Variants in TNRC6A observed in about 807,000 individuals in gnomAD.
TNRC6A encodes the protein trinucleotide repeat containing adaptor 6A.
A neutral mutation model predicts 221.2 loss-of-function variants in TNRC6A; 44 were observed. The ratio of observed to expected loss-of-function variants is 0.20; its 90% CI spans 0.16 to 0.26. The LOEUF (loss-of-function observed/expected upper bound fraction) is 0.26, where lower values mean the gene tolerates loss of function less well. TNRC6A is among the 10% of genes least tolerant of loss of function. The probability of loss-of-function intolerance (pLI) is 1.00; values close to 1 mark genes in which losing one functional copy is unlikely to be tolerated. For synonymous variants in TNRC6A, 847 were observed against 838.5 expected, an observed-to-expected ratio of 1.01 and a Z score of -0.18; for missense variants, 2,199 against 2,404.4, an observed-to-expected ratio of 0.91 and a Z score of 1.79.
intron 1 of TNRC6A, among the ~76,000 whole-genome samples, chr16:24,623,901 CAAAAAAAAAA>C (rs67546745): frequency 1.1e-4 from 6 of 55,188 alleles, no homozygotes; most frequent in African/African-American, 1.5e-4. Context: ...GACCCTGTCT[CAAAAAAAAAA>C]AAAAAAAAAA....
intron 17 of TNRC6A, among the ~76,000 whole-genome samples, chr16:24,808,618 A>G (rs1362887427): frequency 2.0e-5 from 3 of 152,248 alleles, no homozygotes; most frequent in Non-Finnish European, 4.4e-5. Context: ...TACGCATGGT[A>G]TTAGAGAATT....
At chr16:24,642,527 A>G (rs187117058) in intron 2 of TNRC6A, among the ~76,000 whole-genome samples, 45 of 152,264 alleles carry the variant, frequency 3.0e-4, no homozygotes, top group African/African-American at 9.6e-4. Context: ...TAGCTTAAGA[A>G]CAGAATCAGG....
chr16:24,706,103 TACA>T (rs1453050755), intron 2 of TNRC6A, among the ~76,000 whole-genome samples: 2 of 152,080 alleles, frequency 1.3e-5, no homozygotes, highest in South Asian at 2.1e-4. Flanking sequence ...CGCTCACACT[TACA>T]ACATCAGCAA....
intron 1 of TNRC6A, among the ~76,000 whole-genome samples, chr16:24,635,812 A>G (rs1420885667): frequency 6.6e-6 from 1 of 152,160 alleles, no homozygotes; most frequent in African/African-American, 2.4e-5. Flanking sequence ...TTTGGTCTCC[A>G]TGGTTTTTTG....
chr16:24,636,103 G>C (rs892375077), intron 1 of TNRC6A, among the ~76,000 whole-genome samples: 1 of 152,214 alleles, frequency 6.6e-6, no homozygotes. Flanking sequence ...GTGGTTTGCA[G>C]GGAGGCATGT....
intron 1 of TNRC6A, among the ~76,000 whole-genome samples, chr16:24,627,697 CTTTTTTT>C (rs57520356): frequency 9.8e-6 from 1 of 101,784 alleles, no homozygotes; most frequent in Non-Finnish European, 1.9e-5. Flanking sequence ...TCTTTTCTTG[CTTTTTTT>C]TTTTTTTTTT....
chr16:24,801,471 T>C (rs1191883438), intron 11 of TNRC6A, among the ~76,000 whole-genome samples: 2 of 152,070 alleles, frequency 1.3e-5, no homozygotes, highest in East Asian at 3.9e-4. Context: ...TTTGAGTTTC[T>C]TTTTAAAGGG....
At chr16:24,806,838 G>T (rs983361011) in intron 17 of TNRC6A, 54 bp downstream of exon 17, 1 of 1,542,012 alleles carries the variant, frequency 6.5e-7, no homozygotes, top group Non-Finnish European at 8.9e-7. Flanking sequence ...TCACAGGCGT[G>T]CCTCCTTCAC....
intron 2 of TNRC6A, among the ~76,000 whole-genome samples, chr16:24,678,575 C>T (rs1381502529): frequency 1.3e-5 from 2 of 152,164 alleles, no homozygotes; most frequent in Non-Finnish European, 2.9e-5. Context: ...CATGGTGGCG[C>T]ATGCCTGTAG....
intron 4 of TNRC6A, among the ~76,000 whole-genome samples, chr16:24,771,582 T>TTTTATGTTATGTTATGTTGTTA: frequency 1.2e-4 from 11 of 95,540 alleles, no homozygotes; most frequent in African/African-American, 2.2e-4. Context: ...TTATGTTATG[T>TTTTATGTTATGTTATGTTGTTA]TGTTATGTTA....
intron 22 of TNRC6A, 65 bp downstream of exon 22, chr16:24,820,425 T>G: frequency 1.4e-6 from 2 of 1,464,972 alleles, no homozygotes; most frequent in South Asian, 2.3e-5. Context: ...GTACTAACAG[T>G]CGAGTTTAAC....
At chr16:24,733,257 T>C (rs1055855023) in intron 2 of TNRC6A, among the ~76,000 whole-genome samples, 2 of 152,178 alleles carry the variant, frequency 1.3e-5, no homozygotes, top group African/African-American at 4.8e-5. Context: ...GACCCTATTA[T>C]GTAGATCCTC....
At chr16:24,702,408 G>T (rs1372361070) in intron 2 of TNRC6A, among the ~76,000 whole-genome samples, 1 of 151,534 alleles carries the variant, frequency 6.6e-6, no homozygotes, top group Non-Finnish European at 1.5e-5. Context: ...GAACTCCTGG[G>T]CTAAAACAAG....
intron 5 of TNRC6A, among the ~76,000 whole-genome samples, chr16:24,785,716 C>A (rs1359766288): frequency 1.3e-5 from 2 of 152,132 alleles, no homozygotes; most frequent in African/African-American, 4.8e-5. Flanking sequence ...AATTCTGGAT[C>A]CATTTCTTTA....
intron 1 of TNRC6A, among the ~76,000 whole-genome samples, chr16:24,614,209 C>T (rs140524965): frequency 6.6e-5 from 10 of 152,308 alleles, no homozygotes; most frequent in East Asian, 1.9e-4. Context: ...GGGTTCCAAA[C>T]GCAGCAAGAG....
At chr16:24,795,301 A>G (rs1250866774) in intron 8 of TNRC6A, among the ~76,000 whole-genome samples, 2 of 152,182 alleles carry the variant, frequency 1.3e-5, no homozygotes, top group East Asian at 3.8e-4. Flanking sequence ...CCTCAGGTCT[A>G]CTGAAGTTTT....
Position 24,823,071 on chromosome 16 carries a change from C to T in TNRC6A, c.5513+58C>T, listed in dbSNP as rs984528391. On this transcript the variant is annotated intron_variant, in intron 24 of 24. Transcript: ENST00000395799. This position sits in a 1 kb window ranked among gnomAD's most constrained non-coding sequence, Gnocchi z 4.3. ...GTCTAGGGGAAGGAGTGTGAGAGCA[C>T]AGCCTGACCCGGGGCAGTGCACAGG... 1.2e-6 allele frequency: 2 copies of T among 1,609,536 alleles called. No homozygotes were observed. Among genetic ancestry groups the T allele is most frequent in the Non-Finnish European group, 1.7e-6 (2 of 1,177,190 alleles).
intron 2 of TNRC6A, among the ~76,000 whole-genome samples, chr16:24,717,841 G>A (rs567987881): frequency 1.0e-4 from 14 of 140,266 alleles, no homozygotes; most frequent in South Asian, 2.2e-4. Context: ...GTGCCACCTC[G>A]GCTCACTACA....
At chr16:24,692,738 A>G (rs1365240786) in intron 2 of TNRC6A, among the ~76,000 whole-genome samples, 1 of 151,818 alleles carries the variant, frequency 6.6e-6, no homozygotes, top group Non-Finnish European at 1.5e-5. Context: ...ATATATGTGT[A>G]TATATTATAC....
Sources: allele counts gnomAD v4.1 joint callset (sites outside exome capture counted in the v4.1 genomes callset), GRCh38; gene constraint gnomAD v4.1.1; non-coding constraint Gnocchi (gnomAD v3.1); transcripts MANE v1.5; gene names NCBI Gene and HGNC (gene_info 2026-07-23, HGNC 2026-07-21).